The following TRPV1 variants were observed in gnomAD, a reference collection of about 807,000 sequenced individuals.
TRPV1 encodes the protein transient receptor potential cation channel subfamily V member 1.
Under a neutral mutation model 82.3 loss-of-function variants are expected in TRPV1, and 82 were observed. The ratio of observed to expected loss-of-function variants is 1.00; its 90% CI spans 0.83 to 1.20. The LOEUF is 1.20. Among genes scored for constraint, TRPV1 ranks in the 50% most tolerant of loss-of-function variants. The probability of loss-of-function intolerance (pLI) is 0.00; values close to 1 mark genes in which losing one functional copy is unlikely to be tolerated. For missense variants in TRPV1, 1,067 were observed against 1,096.8 expected, an observed-to-expected ratio of 0.97 and a Z score of 0.38; for synonymous variants, 515 against 467.7, an observed-to-expected ratio of 1.10 and a Z score of -1.30.
rs191571936 is a variant in TRPV1, at chr17:3,567,464, G to T, written c.2348-477C>A. ...GAGTGCTTCCTGAGGCACCTGGATC[G>T]GTGCAATGTCCTCCTCCCTCAACTA... is the stretch of plus-strand genomic sequence containing the variant. On this transcript the variant is annotated intron_variant, in intron 16 of 16. Coordinates refer to ENST00000572705, the MANE Select transcript of TRPV1 (RefSeq NM_080704.4). Among the ~76,000 whole-genome samples the T allele has an allele frequency of 1.4e-3, 209 of 151,588 alleles. 1 individual carries two copies. The highest frequency in any genetic ancestry group is 3.4e-3 in the Middle Eastern group (1 of 292).
chr17:3,590,926 G>A lies in TRPV1; in HGVS notation c.604+38C>T, dbSNP rs781183679. Reference sequence around the variant, plus strand: ...CCATGCCCCCCTGCTTCCCGGTGCTGCGGGCTGAGCCATGCCCGGCCCCGC... The same window carrying A: ...CCATGCCCCCCTGCTTCCCGGTGCTACGGGCTGAGCCATGCCCGGCCCCGC... On this transcript the variant is annotated intron_variant, in intron 5 of 16. Transcript: ENST00000572705. 7.1e-6 allele frequency: 11 copies of A among 1,539,142 alleles called. 1 individual carries two copies. In the South Asian group the frequency reaches 1.3e-4, roughly 18 times the overall value.
At chr17:3,580,907 T>G (rs1184573587) in intron 10 of TRPV1, among the ~76,000 whole-genome samples, 1 of 151,598 alleles carries the variant, frequency 6.6e-6, no homozygotes, top group East Asian at 1.9e-4. Flanking sequence ...TAATCCCAGC[T>G]ACTCATGAGG....
At chr17:3,590,428 G>C in intron 5 of TRPV1, 36 bp from the exon 6 acceptor site, 3 of 1,602,444 alleles carry the variant, frequency 1.9e-6, no homozygotes, top group South Asian at 1.1e-5. Flanking sequence ...TCGTGGTCAC[G>C]GTCCTGTGGG....
At chr17:3,577,262 C>G in intron 12 of TRPV1, 70 bp from the exon 13 acceptor site, 1 of 1,510,570 alleles carries the variant, frequency 6.6e-7, no homozygotes, top group Admixed American at 2.0e-5. Flanking sequence ...GGCCGGGCCG[C>G]ATCGGCCTGG....
intron 2 of TRPV1, among the ~76,000 whole-genome samples, chr17:3,602,893 G>A (rs1363179017): frequency 1.3e-5 from 2 of 152,298 alleles, no homozygotes; most frequent in African/African-American, 4.8e-5. Context: ...AGGCCGAGGC[G>A]GGTGGATCGC....
At chr17:3,585,690 G>A (rs533271406) in intron 9 of TRPV1, 78 bp downstream of exon 9, 12 of 1,516,806 alleles carry the variant, frequency 7.9e-6, no homozygotes, top group Non-Finnish European at 1.1e-5. Flanking sequence ...CCTGGGGTCG[G>A]GGAGGTCTCC....
intron 10 of TRPV1, among the ~76,000 whole-genome samples, chr17:3,580,812 T>C (rs535881452): frequency 3.1e-3 from 467 of 151,994 alleles, no homozygotes; most frequent in Non-Finnish European, 5.3e-3. Flanking sequence ...AGGTTAGGAG[T>C]TCGAGACCAG....
In TRPV1 at chr17:3,592,174, G is replaced by T. The variant is rs752340614; in HGVS notation, c.177C>A (p.Phe59Leu). Reference protein sequence around the residue: ...LFGKGDSEEAFPVDCPHEEGE... With the variant: ...LFGKGDSEEALPVDCPHEEGE... Reference sequence around the variant, plus strand: ...CTTCCTCGTGAGGGCAATCCACCGGGAAAGCCTCCTCCGAGTCACCCTTCC... The same window carrying T: ...CTTCCTCGTGAGGGCAATCCACCGGTAAAGCCTCCTCCGAGTCACCCTTCC... Residue 59 changes from phenylalanine to leucine, a missense_variant, in exon 3 of 17, where the codon TTC becomes TTA. Phe to Leu is a conservative substitution (Grantham distance 22). Transcript: ENST00000572705. 15 of 1,613,614 alleles carry T rather than the reference G, an allele frequency of 9.3e-6. No homozygotes were observed. The highest frequency in any genetic ancestry group is 6.7e-5 in the Admixed American group (4 of 59,942).
At chr17:3,586,340 G>T (rs1024265585) in intron 8 of TRPV1, among the ~76,000 whole-genome samples, 1 of 152,240 alleles carries the variant, frequency 6.6e-6, no homozygotes, top group Non-Finnish European at 1.5e-5. Flanking sequence ...CACTTCTCAC[G>T]TTTCCAGCCC....
chr17:3,590,906 C>CA, intron 5 of TRPV1, 58 bp downstream of exon 5: 3 of 1,434,128 alleles, frequency 2.1e-6, no homozygotes, highest in Admixed American at 2.6e-5. Flanking sequence ...GACAACCATG[C>CA]CCCCCTGCTT....
chr17:3,589,021 C>T, intron 7 of TRPV1: 7 of 1,484,132 alleles, frequency 4.7e-6, no homozygotes, highest in Non-Finnish European at 6.4e-6. Context: ...TGGGGTGGCT[C>T]ATGCCTGTAA....
At chr17:3,591,939 C>T (rs1458407976) in intron 3 of TRPV1, 128 bp downstream of exon 3, 49 of 1,348,572 alleles carry the variant, frequency 3.6e-5, no homozygotes, top group Non-Finnish European at 4.6e-5. Flanking sequence ...GACGCTGGAC[C>T]AGACCACCCC....
chr17:3,582,189 C>CAAAAAA (rs71153376), intron 10 of TRPV1, among the ~76,000 whole-genome samples: 2 of 25,908 alleles, frequency 7.7e-5, no homozygotes, highest in Admixed American at 7.0e-4. Context: ...GACTCCATCT[C>CAAAAAA]AAAAAAAAAA....
chr17:3,583,529 C>G, intron 9 of TRPV1, 99 bp from the exon 10 acceptor site: 26 of 957,692 alleles, frequency 2.7e-5, no homozygotes, highest in Non-Finnish European at 4.0e-5. Context: ...CCAGGAGGCA[C>G]AGCCTCCATC....
intron 16 of TRPV1, among the ~76,000 whole-genome samples, chr17:3,568,333 AAAAAG>A (rs1328018475): frequency 4.6e-5 from 7 of 151,772 alleles, no homozygotes; most frequent in African/African-American, 9.7e-5. Flanking sequence ...AAAAAAAAAA[AAAAAG>A]AAAAGAAAAG....
chr17:3,577,733 G>A lies in TRPV1; in HGVS notation c.1578C>T (p.Thr526=), dbSNP rs760565754. 6 of 1,593,476 alleles carry A rather than the reference G, an allele frequency of 3.8e-6. No homozygotes were observed. The highest frequency in any genetic ancestry group is 1.3e-5 in the African/African-American group (1 of 74,434). The change falls in exon 12 of 17, where the codon ACC becomes ACT. Residue 526 remains threonine (T), a synonymous_variant. Coordinates refer to ENST00000572705, the MANE Select transcript of TRPV1 (RefSeq NM_080704.4). Reference sequence around the variant, plus strand: ...TGAGGTGGCTGAAGTACAGCACCACGGTGGCCAGCATGAACAGTGACTGCA... The same window carrying A: ...TGAGGTGGCTGAAGTACAGCACCACAGTGGCCAGCATGAACAGTGACTGCA... The part of the protein sequence containing the change: ...FFLQSLFMLA[T]VVLYFSHLKE...
Position 3,603,705 on chromosome 17 carries a change from C to A in TRPV1, c.-34+4722G>T, listed in dbSNP as rs144622526. Among the ~76,000 whole-genome samples the A allele has an allele frequency of 1.3e-3, 193 of 152,232 alleles. 1 individual carries two copies. Among genetic ancestry groups the A allele is most frequent in the African/African-American group, 4.5e-3 (187 of 41,536 alleles). ...CTGCTGAGCTGTATCCGGCCATTAGCTCGAAGTTATGACTAATTGTTTTTT... is the reference window on the plus strand; with the variant it reads ...CTGCTGAGCTGTATCCGGCCATTAGATCGAAGTTATGACTAATTGTTTTTT... On this transcript the variant is annotated intron_variant, in intron 2 of 16. Transcript: ENST00000572705.
chr17:3,592,296 C>A lies in TRPV1; in HGVS notation c.55G>T (p.Asp19Tyr). The A allele has an allele frequency of 6.2e-7, 1 of 1,602,558 alleles. No homozygotes were observed. Among genetic ancestry groups the A allele is most frequent in the Non-Finnish European group, 8.5e-7 (1 of 1,174,422 alleles). ...CCATCCAGGGGGTCTGGGCAGGTGT[C>A]CTTTTGGAGTGGGTCCGCAGCTGCC... ...LGAAADPLQK[D>Y]TCPDPLDGDP... The change falls in exon 3 of 17, where the codon GAC (aspartate) becomes TAC (tyrosine). Residue 19 changes from aspartate to tyrosine, a missense_variant. Physicochemically the swap from Asp to Tyr is radical, Grantham distance 160 (BLOSUM62 -3). Transcript: ENST00000572705.
At position 3,573,797 on chromosome 17, in the gene TRPV1, C is replaced by T. The variant is rs767102743; in HGVS notation, c.1939G>A (p.Asp647Asn). 5 of 1,613,824 alleles carry T rather than the reference C, an allele frequency of 3.1e-6. No individual in the cohort carries two copies. The highest frequency in any genetic ancestry group is 2.2e-5 in the East Asian group (1 of 44,872). Residue 647 changes from aspartate (D) to asparagine (N), a missense_variant, in exon 14 of 17, where the codon GAC becomes AAC. By Grantham distance (23) the Asp-to-Asn change is conservative. Coordinates refer to ENST00000572705, the MANE Select transcript of TRPV1 (RefSeq NM_080704.4). ...TCATAGTTCTCAGTGAACTCCAGGTCGCCCATGCCGATGGTGAACTTGAAC... is the reference window on the plus strand; with the variant it reads ...TCATAGTTCTCAGTGAACTCCAGGTTGCCCATGCCGATGGTGAACTTGAAC... ...ELFKFTIGMG[D>N]LEFTENYDFK... is the part of the protein sequence containing the mutation.
Sources: allele counts gnomAD v4.1 joint callset (sites outside exome capture counted in the v4.1 genomes callset), GRCh38; gene constraint gnomAD v4.1.1; transcripts MANE v1.5; gene names NCBI Gene and HGNC (gene_info 2026-07-23, HGNC 2026-07-21).